The following HOMER1 variants were observed in gnomAD, a reference collection of about 807,000 sequenced individuals.
HOMER1 encodes homer scaffold protein 1, also known as homer protein homolog 1.
HOMER1 carries 3 observed loss-of-function variants against 48.9 expected under a neutral mutation model. The ratio of observed to expected loss-of-function variants is 0.06; its 90% CI spans 0.03 to 0.16. HOMER1 has a LOEUF of 0.16. Among genes scored for constraint, HOMER1 ranks in the 10% least tolerant of loss-of-function variants. HOMER1 has a pLI of 1.00. For missense variants in HOMER1, 247 were observed against 411.4 expected (o/e 0.60, Z 3.46); for synonymous variants, 134 against 146.4 (o/e 0.92, Z 0.61).
chr5:79,423,849 G>C (rs375212877), intron 5 of HOMER1, among the ~76,000 whole-genome samples: 1 of 151,998 alleles, frequency 6.6e-6, no homozygotes, highest in Non-Finnish European at 1.5e-5. Flanking sequence ...CTGTGAACAC[G>C]ACTAGTGGCA....
intron 8 of HOMER1, among the ~76,000 whole-genome samples, chr5:79,379,022 G>C (rs1288681815): frequency 7.6e-6 from 1 of 132,402 alleles, no homozygotes; most frequent in Non-Finnish European, 1.6e-5. Context: ...GAGCACAGGG[G>C]CCAAGAGGTA....
Position 79,456,940 on chromosome 5 carries a change from G to A in HOMER1, c.84C>T (p.Ser28=). 6.2e-7 allele frequency: 1 copy of A among 1,613,686 alleles called. No homozygotes were observed. The change falls in exon 2 of 9, where the codon AGC becomes AGT. Residue 28 remains serine (S), a synonymous_variant. Coordinates refer to ENST00000334082, the MANE Select transcript of HOMER1 (RefSeq NM_004272.5). ...PNTKKNWVPT[S]KHAVTVSYFY... ...AATAAGACACAGTAACTGCATGCTT[G>A]CTGGTGGGTACCCAGTTCTTCTTTG... is the stretch of plus-strand genomic sequence containing the variant.
At chr5:79,390,340 A>G (rs1241671122) in intron 8 of HOMER1, among the ~76,000 whole-genome samples, 1 of 152,146 alleles carries the variant, frequency 6.6e-6, no homozygotes, top group Non-Finnish European at 1.5e-5. Flanking sequence ...ACCAGACAGT[A>G]TACGTTTAAA....
Position 79,512,988 on chromosome 5 carries a change from C to G in HOMER1, c.-214G>C. 1 of 584,248 alleles carries G rather than the reference C, an allele frequency of 1.7e-6. No individual in the cohort carries two copies. Among genetic ancestry groups the G allele is most frequent in the Middle Eastern group, 2.7e-4 (1 of 3,770 alleles). The allele number at this position is 584,248 out of a possible 1,614,324, so 36.2% of individuals were successfully genotyped here. A position where few individuals can be genotyped will look rare whatever the true frequency, so the allele number is the denominator to read the frequency against. On this transcript the variant is annotated 5_prime_UTR_variant, in exon 1 of 9. It removes an upstream start codon present in the reference 5' UTR. Coordinates refer to ENST00000334082, the MANE Select transcript of HOMER1 (RefSeq NM_004272.5). ...TACCAAAACGTTCAAACAGAGGCGGCATTTGCTTATTCGAGTTAAAATGCT... is the reference window on the plus strand; with the variant it reads ...TACCAAAACGTTCAAACAGAGGCGGGATTTGCTTATTCGAGTTAAAATGCT...
rs576304166 is a variant in HOMER1 at position 79,429,998 on chromosome 5, G to A, written c.527+9012C>T. Among the ~76,000 whole-genome samples, 5 of 150,860 alleles carry A rather than the reference G, an allele frequency of 3.3e-5. No individual in the cohort carries two copies. The South Asian group carries it at 1.1e-3, about 32-fold the overall frequency. The stretch of plus-strand genomic sequence containing the variant: ...AGATTGAGCCACTGCACTCCAGCCT[G>A]GGGGACAGAGCAAGACTCTTCTCAA... On this transcript the variant is annotated intron_variant, in intron 5 of 8. Coordinates refer to ENST00000334082, the MANE Select transcript of HOMER1 (RefSeq NM_004272.5).
chr5:79,455,683 G>C (rs1034516937), intron 2 of HOMER1, among the ~76,000 whole-genome samples: 4 of 152,216 alleles, frequency 2.6e-5, no homozygotes, highest in Non-Finnish European at 5.9e-5. Flanking sequence ...TGGCTCTACA[G>C]TGTGTGCACT....
chr5:79,388,352 G>A (rs1460721173), intron 8 of HOMER1, among the ~76,000 whole-genome samples: 1 of 152,142 alleles, frequency 6.6e-6, no homozygotes, highest in East Asian at 1.9e-4. Context: ...GCAAAAGAGG[G>A]TGTTTTTGAA....
Position 79,487,622 on chromosome 5 carries a change from G to T in HOMER1, c.5+25148C>A, listed in dbSNP as rs1752148273. Among the ~76,000 whole-genome samples the T allele has an allele frequency of 2.0e-5, 3 of 152,140 alleles. 1 individual carries two copies. The highest frequency in any genetic ancestry group is 6.8e-3 in the Middle Eastern group (2 of 292). ...GTAAATAAACAGCAAGAAAAGGAGG[G>T]GAAGGAGGCTGTTATAGACTGAAAG... is the stretch of plus-strand genomic sequence containing the variant. On this transcript the variant is annotated intron_variant, in intron 1 of 8. Transcript: ENST00000334082.
At chr5:79,497,283 G>T (rs1752452851) in intron 1 of HOMER1, among the ~76,000 whole-genome samples, 1 of 152,038 alleles carries the variant, frequency 6.6e-6, no homozygotes, top group South Asian at 2.1e-4. Flanking sequence ...GGCATAACTG[G>T]TAAGTACTGT....
At chr5:79,450,317 C>A (rs1016810466) in intron 3 of HOMER1, among the ~76,000 whole-genome samples, 1 of 152,102 alleles carries the variant, frequency 6.6e-6, no homozygotes, top group African/African-American at 2.4e-5. Context: ...CTTATATATT[C>A]TTTTCTGTGT....
intron 4 of HOMER1, among the ~76,000 whole-genome samples, chr5:79,441,968 G>GT (rs1554059878): frequency 7.5e-5 from 11 of 147,542 alleles, no homozygotes; most frequent in African/African-American, 1.7e-4. Context: ...TCTTTTTTGG[G>GT]GTGTGTGTGT....
At chr5:79,498,125 G>C (rs778010963) in intron 1 of HOMER1, among the ~76,000 whole-genome samples, 1 of 152,196 alleles carries the variant, frequency 6.6e-6, no homozygotes, top group South Asian at 2.1e-4. Context: ...TCCAGGCCAA[G>C]TGCAGTGGCT....
chr5:79,398,529 TA>T (rs916098816), intron 6 of HOMER1, among the ~76,000 whole-genome samples: 16 of 152,296 alleles, frequency 1.1e-4, no homozygotes, highest in African/African-American at 3.6e-4. Context: ...TCTCATGTAC[TA>T]ATAGCCTCGT....
chr5:79,480,827 C>T (rs142546842), intron 1 of HOMER1, among the ~76,000 whole-genome samples: 87 of 152,214 alleles, frequency 5.7e-4, no homozygotes, highest in African/African-American at 2.1e-3. Flanking sequence ...TTGTGTTAGA[C>T]ACAATGGCAA....
chr5:79,464,183 A>G (rs1751391570), intron 1 of HOMER1, among the ~76,000 whole-genome samples: 1 of 150,994 alleles, frequency 6.6e-6, no homozygotes, highest in African/African-American at 2.5e-5. Flanking sequence ...AAAGAATCAA[A>G]GAATGACAAT....
At chr5:79,440,223 G>A (rs73773704) in intron 4 of HOMER1, among the ~76,000 whole-genome samples, 2,294 of 152,254 alleles carry the variant, frequency 0.015, 57 homozygotes, top group African/African-American at 0.052. Flanking sequence ...ATGTAAAACA[G>A]TAACTGGGTT....
At chr5:79,457,667 T>C (rs889322603) in intron 1 of HOMER1, among the ~76,000 whole-genome samples, 2 of 152,180 alleles carry the variant, frequency 1.3e-5, no homozygotes, top group Non-Finnish European at 2.9e-5. Context: ...AAGCAAGGTG[T>C]CTTTAAGTAG....
intron 1 of HOMER1, among the ~76,000 whole-genome samples, chr5:79,464,024 G>A (rs921447149): frequency 3.4e-4 from 51 of 152,128 alleles, no homozygotes; most frequent in African/African-American, 1.2e-3. Context: ...CAATTACTTC[G>A]CTTTCTTATC....
At chr5:79,489,208 G>A (rs1470083753) in intron 1 of HOMER1, among the ~76,000 whole-genome samples, 2 of 152,158 alleles carry the variant, frequency 1.3e-5, no homozygotes, top group African/African-American at 4.8e-5. Flanking sequence ...TCAGGAGAGA[G>A]AGAGATTTCA....
Sources: allele counts gnomAD v4.1 joint callset (sites outside exome capture counted in the v4.1 genomes callset), GRCh38; gene constraint gnomAD v4.1.1; transcripts MANE v1.5; gene names NCBI Gene and HGNC (gene_info 2026-07-23, HGNC 2026-07-21).